PARN: variants seen among roughly 807,000 people sequenced by gnomAD.
PARN encodes the protein poly(A)-specific ribonuclease, also known as poly(A)-specific ribonuclease PARN.
A neutral mutation model predicts 102.8 loss-of-function variants in PARN; 71 were observed. The ratio of observed to expected loss-of-function variants is 0.69; its 90% CI spans 0.57 to 0.84. The LOEUF (loss-of-function observed/expected upper bound fraction) is 0.84. PARN is among the 40% of genes least tolerant of loss of function. The probability of loss-of-function intolerance (pLI) is 0.00; values close to 1 mark genes in which losing one functional copy is unlikely to be tolerated. For synonymous variants in PARN, 261 were observed against 252.9 expected (o/e 1.03, Z -0.30); for missense variants, 782 against 760.9 (o/e 1.03, Z -0.33).
At chr16:14,545,903 C>A (rs995426788) in intron 21 of PARN, among the ~76,000 whole-genome samples, 2 of 152,042 alleles carry the variant, frequency 1.3e-5, no homozygotes, top group African/African-American at 2.4e-5. Flanking sequence ...CAATCACATA[C>A]GGTTCTAGCT....
intron 23 of PARN, among the ~76,000 whole-genome samples, chr16:14,445,020 G>T (rs1291571904): frequency 1.2e-4 from 17 of 141,616 alleles, no homozygotes; most frequent in African/African-American, 4.0e-4. Flanking sequence ...TAGAGAAAAG[G>T]TGTCACTATA....
intron 22 of PARN, among the ~76,000 whole-genome samples, chr16:14,471,531 C>T (rs72787634): frequency 0.16 from 24,442 of 152,040 alleles, 2,537 homozygotes; most frequent in Middle Eastern, 0.26. Flanking sequence ...TTTTAAATTG[C>T]GGTAAAGTAC....
intron 13 of PARN, 62 bp downstream of exon 13, chr16:14,593,239 T>C (rs1970303653): frequency 1.1e-6 from 1 of 887,836 alleles, no homozygotes; most frequent in Non-Finnish European, 1.9e-6. Context: ...AGCATCATAA[T>C]AATATTTTTT....
intron 21 of PARN, among the ~76,000 whole-genome samples, chr16:14,535,478 TAG>T (rs1486588999): frequency 6.6e-6 from 1 of 152,228 alleles, no homozygotes; most frequent in Non-Finnish European, 1.5e-5. Flanking sequence ...AAATGTTTAA[TAG>T]ATTCTTTTTC....
At position 14,552,027 on chromosome 16, in the gene PARN, T is replaced by C. The variant is rs759449443; in HGVS notation, c.1474A>G (p.Lys492Glu). The C allele has an allele frequency of 3.1e-6, 5 of 1,609,884 alleles. No individual in the cohort carries two copies. The South Asian group carries it at 5.5e-5, about 18-fold the overall frequency. Residue 492 changes from lysine to glutamate, a missense_variant, in exon 21 of 24, where the codon AAG (lysine) becomes GAG (glutamate). Coordinates refer to ENST00000437198, the MANE Select transcript of PARN (RefSeq NM_002582.4). ...AGAAATCCAAAACACTTACCAATCTTTACTTGCTCGGGCTGGCTAAGGGAA... is the reference window on the plus strand; with the variant it reads ...AGAAATCCAAAACACTTACCAATCTCTACTTGCTCGGGCTGGCTAAGGGAA... ...FVSLSQPEQVKIAVNTSKYAE... is the reference protein window; with the variant it reads ...FVSLSQPEQVEIAVNTSKYAE...
chr16:14,620,996 C>T (rs1050375519), intron 5 of PARN, among the ~76,000 whole-genome samples: 4 of 152,098 alleles, frequency 2.6e-5, no homozygotes, highest in African/African-American at 4.8e-5. Context: ...CAAAACAAAT[C>T]GTTTTGAAAT....
intron 22 of PARN, among the ~76,000 whole-genome samples, chr16:14,447,403 T>C (rs1014111312): frequency 1.3e-5 from 2 of 152,174 alleles, no homozygotes; most frequent in East Asian, 1.9e-4. Flanking sequence ...AATAGTAGAA[T>C]AGAATAGTAG....
chr16:14,512,765 T>C (rs1965265004), intron 21 of PARN, among the ~76,000 whole-genome samples: 1 of 152,318 alleles, frequency 6.6e-6, no homozygotes, highest in Middle Eastern at 3.4e-3. Context: ...GCCTCTGATA[T>C]GTTTATCCAT....
chr16:14,630,039 G>T, intron 1 of PARN, 68 bp downstream of exon 1: 5 of 1,406,800 alleles, frequency 3.6e-6, no homozygotes, highest in Non-Finnish European at 4.9e-6. Context: ...CGCCGGCCAT[G>T]GTCTCGGCCT....
intron 22 of PARN, among the ~76,000 whole-genome samples, chr16:14,466,257 A>G (rs1962344896): frequency 6.6e-6 from 1 of 152,256 alleles, no homozygotes; most frequent in Non-Finnish European, 1.5e-5. Flanking sequence ...AGGGTAGCAG[A>G]GGACTGCCAT....
chr16:14,605,072 T>C (rs1173361061), intron 10 of PARN, among the ~76,000 whole-genome samples: 1 of 152,130 alleles, frequency 6.6e-6, no homozygotes, highest in African/African-American at 2.4e-5. Context: ...CCTGAGTAGC[T>C]GGGACTACAG....
intron 10 of PARN, among the ~76,000 whole-genome samples, chr16:14,604,465 T>C (rs989261745): frequency 4.0e-5 from 6 of 151,882 alleles, no homozygotes; most frequent in Admixed American, 3.9e-4. Context: ...TTCTCCATGT[T>C]GGTCAGGCTG....
At chr16:14,593,935 T>G (rs2151768248) in intron 12 of PARN, among the ~76,000 whole-genome samples, 1 of 151,846 alleles carries the variant, frequency 6.6e-6, no homozygotes, top group East Asian at 1.9e-4. Flanking sequence ...AGGCAGAGGC[T>G]GCAGTGAGCC....
intron 12 of PARN, among the ~76,000 whole-genome samples, chr16:14,594,950 AC>A (rs1004444787): frequency 5.3e-5 from 8 of 152,212 alleles, no homozygotes; most frequent in Admixed American, 5.2e-4. Flanking sequence ...TGTGTAGGTA[AC>A]CCCAAATGGA....
At chr16:14,609,335 T>C (rs1276182088) in intron 7 of PARN, among the ~76,000 whole-genome samples, 3 of 152,130 alleles carry the variant, frequency 2.0e-5, no homozygotes, top group African/African-American at 4.8e-5. Flanking sequence ...GAGGTCGACG[T>C]TGGGTGGATC....
intron 21 of PARN, among the ~76,000 whole-genome samples, chr16:14,542,013 AT>A (rs969981959): frequency 8.0e-5 from 12 of 149,614 alleles, no homozygotes; most frequent in Non-Finnish European, 1.3e-4. Flanking sequence ...TTAGAGAATG[AT>A]TTTTTTTTGA....
intron 18 of PARN, among the ~76,000 whole-genome samples, chr16:14,576,516 C>T (rs760980177): frequency 6.6e-6 from 1 of 152,190 alleles, no homozygotes; most frequent in Non-Finnish European, 1.5e-5. Flanking sequence ...TGATTTTGTG[C>T]TTTCTGTTGT....
At chr16:14,514,865 C>T (rs1965380881) in intron 21 of PARN, among the ~76,000 whole-genome samples, 1 of 152,180 alleles carries the variant, frequency 6.6e-6, no homozygotes. Flanking sequence ...AATAAGCAAG[C>T]ATATAGCAGA....
intron 21 of PARN, among the ~76,000 whole-genome samples, chr16:14,529,199 C>T (rs1203898673): frequency 6.6e-6 from 1 of 152,210 alleles, no homozygotes; most frequent in African/African-American, 2.4e-5. Context: ...GAGAGGTACG[C>T]TGTCGAATCC....
Sources: gnomAD v4.1 joint callset for allele counts (sites outside exome capture counted in the v4.1 genomes callset) on GRCh38, gnomAD v4.1.1 for gene constraint, MANE v1.5 for transcripts, NCBI Gene and HGNC (gene_info 2026-07-23, HGNC 2026-07-21) for gene names.